Variants in NOTCH2NLA observed in about 807,000 individuals in gnomAD.
NOTCH2NLA encodes the protein notch homolog 2 N-terminal-like protein A.
intron 2 of NOTCH2NLA, among the ~76,000 whole-genome samples, chr1:146,174,430 G>A (rs1193900310): frequency 3.3e-5 from 4 of 122,826 alleles, no homozygotes; most frequent in African/African-American, 1.3e-4. Context: ...TTTTTAAAAC[G>A]AGGATTTGGC....
Position 146,180,363 on chromosome 1 carries a change from TTTA to T in NOTCH2NLA, c.38+8934_38+8936del, listed in dbSNP as rs1164624924. On this transcript the variant is annotated intron_variant, in intron 2 of 4. Transcript: ENST00000362074. ...CACTTAAATAATGTCTTTCTTAGTC[TTTA>T]TTTTCACTTTTCTTTCATAAAACTC... 5.6e-5 allele frequency among the ~76,000 whole-genome samples: 8 copies of T among 142,586 alleles called. 2 individuals are homozygous for T. The highest frequency in any genetic ancestry group is 2.9e-4 in the Admixed American group (4 of 13,952). The allele number at this position is 142,586 out of a possible 152,430, so 93.5% of individuals were successfully genotyped here. A position where few individuals can be genotyped will look rare whatever the true frequency, so the allele number is the denominator to read the frequency against.
At position 146,185,032 on chromosome 1, in the gene NOTCH2NLA, T is replaced by A. The variant is rs1490704711; in HGVS notation, c.38+4268A>T. 5.8e-5 allele frequency among the ~76,000 whole-genome samples: 8 copies of A among 137,648 alleles called. No homozygotes were observed. The East Asian group carries it at 1.4e-3, about 24-fold the overall frequency. The allele number at this position is 137,648 out of a possible 152,430, so 90.3% of individuals were successfully genotyped here. A position where few individuals can be genotyped will look rare whatever the true frequency, so the allele number is the denominator to read the frequency against. ...TCCAGTAAGTAATGTAAAACTACCA[T>A]ACATGTGTAAAGTAAAGGGAAGTCA... On this transcript the variant is annotated intron_variant, in intron 2 of 4. Transcript: ENST00000362074.
chr1:146,171,532 C>T (rs1553807098), intron 2 of NOTCH2NLA, among the ~76,000 whole-genome samples: 1 of 113,016 alleles, frequency 8.8e-6, no homozygotes, highest in African/African-American at 2.8e-5. Context: ...TCCTGCCTCC[C>T]CATCACTGGA....
chr1:146,173,081 G>C (rs1264069637), intron 2 of NOTCH2NLA, among the ~76,000 whole-genome samples: 1 of 150,866 alleles, frequency 6.6e-6, no homozygotes, highest in African/African-American at 2.4e-5. Flanking sequence ...GGGAAGAAAG[G>C]GGAGTAATAG....
At chr1:146,170,871 A>C (rs1325393433) in intron 2 of NOTCH2NLA, among the ~76,000 whole-genome samples, 2 of 132,118 alleles carry the variant, frequency 1.5e-5, no homozygotes, top group Non-Finnish European at 3.5e-5. Context: ...CATATTCCTC[A>C]GTATAGGGTT....
chr1:146,159,066 A>G (rs1417718848), intron 3 of NOTCH2NLA, among the ~76,000 whole-genome samples: 19 of 152,026 alleles, frequency 1.2e-4, no homozygotes, highest in Non-Finnish European at 1.2e-4. Flanking sequence ...CTGAAACAGA[A>G]AGATCCCCGG....
At position 146,180,294 on chromosome 1, in the gene NOTCH2NLA, T is replaced by C. The variant is rs587618611; in HGVS notation, c.38+9006A>G. ...ATTTACGTGAAGGCAAAAAACTGGA[T>C]AGAATGCTATAGTTGAATGTGTTCA... is the stretch of plus-strand genomic sequence containing the variant. On this transcript the variant is annotated intron_variant, in intron 2 of 4. Coordinates refer to ENST00000362074, the Ensembl canonical transcript of NOTCH2NLA. Among the ~76,000 whole-genome samples the C allele has an allele frequency of 1.1e-3, 159 of 143,308 alleles. 1 individual carries two copies. The highest frequency in any genetic ancestry group is 3.4e-3 in the African/African-American group (138 of 40,956). 94.0% of individuals were successfully genotyped at this position (143,308 alleles called of 152,430 possible). A position where few individuals can be genotyped will look rare whatever the true frequency, so the allele number is the denominator to read the frequency against.
chr1:146,180,960 C>A (rs1215991637), intron 2 of NOTCH2NLA, among the ~76,000 whole-genome samples: 2 of 87,208 alleles, frequency 2.3e-5, no homozygotes, highest in African/African-American at 3.5e-5. Context: ...TCTCATTTTG[C>A]TTAGTCACAA....
At chr1:146,182,448 C>T (rs1438499047) in intron 2 of NOTCH2NLA, among the ~76,000 whole-genome samples, 3 of 139,684 alleles carry the variant, frequency 2.1e-5, no homozygotes, top group African/African-American at 7.4e-5. Context: ...GAGAACAGAC[C>T]CTAATACGCA....
exon 1 of NOTCH2NLA, chr1:146,228,914 G>C (rs1553820584): frequency 1.4e-6 from 2 of 1,467,978 alleles, no homozygotes; most frequent in African/African-American, 1.5e-5. Context: ...CTGGCGCTAC[G>C]CTCCGAAGCC....
intron 2 of NOTCH2NLA, among the ~76,000 whole-genome samples, chr1:146,167,111 CA>C (rs1296190751): frequency 6.6e-5 from 6 of 90,280 alleles, no homozygotes; most frequent in African/African-American, 1.3e-4. Context: ...GATTCCATCT[CA>C]AAAAAAAAAG....
At chr1:146,183,699 CAAGAAGGTGA>C (rs1439375148) in intron 2 of NOTCH2NLA, among the ~76,000 whole-genome samples, 3 of 95,496 alleles carry the variant, frequency 3.1e-5, no homozygotes, top group African/African-American at 1.4e-4. Flanking sequence ...AATGCACTCA[CAAGAAGGTGA>C]AGGAAAGGGG....
rs1553820611 is a variant in NOTCH2NLA, at chr1:146,228,940, G to A, written c.-276C>T. On this transcript the variant is annotated 5_prime_UTR_variant, in exon 1 of 5. Coordinates refer to ENST00000362074, the Ensembl canonical transcript of NOTCH2NLA. ...CTCCGAAGCCCAGCGCAAATGCCTC[G>A]ACTCCCCGCGCCCCGAGTCCGCCGC... 4.1e-6 allele frequency: 6 copies of A among 1,451,634 alleles called. No homozygotes were observed. In the East Asian group the frequency reaches 1.3e-4, roughly 32 times the overall value. The allele number at this position is 1,451,634 out of a possible 1,614,324, so 89.9% of individuals were successfully genotyped here.
chr1:146,174,567 G>C (rs1311881149), intron 2 of NOTCH2NLA, among the ~76,000 whole-genome samples: 1 of 143,812 alleles, frequency 7.0e-6, no homozygotes, highest in African/African-American at 2.5e-5. Context: ...ACAGAATGTG[G>C]AACGAAGGGG....
chr1:146,228,844 G>A (rs1664360233), exon 1 of NOTCH2NLA: 1 of 1,504,098 alleles, frequency 6.6e-7, no homozygotes, highest in Non-Finnish European at 8.8e-7. Context: ...CATGGGGAGG[G>A]GGTCCCGATA....
intron 1 of NOTCH2NLA, among the ~76,000 whole-genome samples, chr1:146,200,437 A>G: frequency 4.4e-5 from 1 of 22,760 alleles, no homozygotes; most frequent in East Asian, 8.6e-4. Context: ...AAAAAAAAAA[A>G]AATATATATA....
chr1:146,175,056 AC>A lies in NOTCH2NLA; in HGVS notation c.39-10047del, dbSNP rs1463559165. 2.7e-5 allele frequency among the ~76,000 whole-genome samples: 3 copies of A among 109,816 alleles called. No homozygotes were observed. The East Asian group carries it at 6.3e-4, about 23-fold the overall frequency. The allele number at this position is 109,816 out of a possible 152,430, so 72.0% of individuals were successfully genotyped here. A position where few individuals can be genotyped will look rare whatever the true frequency, so the allele number is the denominator to read the frequency against. On this transcript the variant is annotated intron_variant, in intron 2 of 4. Transcript: ENST00000362074. ...AGGCTGCGACTACAAACTTGTAGGT[AC>A]CCTAGAGCCTATAGAATCAAGTCTA...
intron 2 of NOTCH2NLA, among the ~76,000 whole-genome samples, chr1:146,170,834 T>C: frequency 8.2e-6 from 1 of 122,302 alleles, no homozygotes; most frequent in East Asian, 2.1e-4. Context: ...CCTTTTGTTT[T>C]CTTTTTTCCA....
chr1:146,148,892 GTTA>G (rs1660874512), intron 4 of NOTCH2NLA, among the ~76,000 whole-genome samples: 1 of 9,946 alleles, frequency 1.0e-4, no homozygotes, highest in Admixed American at 1.5e-3. Flanking sequence ...CTTTATTACT[GTTA>G]TTATTAGTTC....
Sources: allele counts gnomAD v4.1 joint callset (sites outside exome capture counted in the v4.1 genomes callset), GRCh38; gene constraint gnomAD v4.1.1; transcripts MANE v1.5; gene names NCBI Gene and HGNC (gene_info 2026-07-23, HGNC 2026-07-21).